Variants in OR7C1 observed in about 807,000 individuals in gnomAD.
OR7C1 encodes the protein olfactory receptor family 7 subfamily C member 1.
For synonymous variants in OR7C1, 152 were observed against 160.7 expected (o/e 0.95, Z 0.41); for missense variants, 324 against 383.3 (o/e 0.85, Z 1.29).
At chr19:14,800,871 TCAGACA>T (rs1239652022) in intron 2 of OR7C1, 107 bp from the exon 3 acceptor site, 1 of 152,192 alleles carries the variant, frequency 6.6e-6, no homozygotes, top group African/African-American at 2.4e-5. Context: ...CTGATGTAAA[TCAGACA>T]CTGCCTCCTC....
chr19:14,827,559 A>G (rs2044782549), intron 1 of OR7C1: 3 of 1,614,150 alleles, frequency 1.9e-6, no homozygotes, highest in Non-Finnish European at 2.5e-6. Context: ...AGCTGATGAG[A>G]TTGCATGTAT....
At chr19:14,833,827 T>C (rs1291034292) in intron 1 of OR7C1, among the ~76,000 whole-genome samples, 1 of 131,176 alleles carries the variant, frequency 7.6e-6, no homozygotes, top group Non-Finnish European at 1.7e-5. Flanking sequence ...TGAGCGGGGA[T>C]GGAGTGGGGA....
chr19:14,821,194 C>T (rs1202991249), intron 1 of OR7C1, among the ~76,000 whole-genome samples: 11 of 152,174 alleles, frequency 7.2e-5, no homozygotes, highest in African/African-American at 2.2e-4. Flanking sequence ...GCTGAGATCG[C>T]GCCATTGCAC....
chr19:14,804,185 T>C lies in OR7C1; in HGVS notation c.-434-3421A>G, dbSNP rs1286070675. Among the ~76,000 whole-genome samples the C allele has an allele frequency of 2.6e-5, 4 of 152,088 alleles. No homozygotes were observed. The South Asian group carries it at 8.3e-4, about 32-fold the overall frequency. Reference sequence around the variant, plus strand: ...TAAGGCAAAGGCTGGAGTTGAAAAATGCTCAGCTGAGTGGTAAAGGCCTGT... The same window carrying C: ...TAAGGCAAAGGCTGGAGTTGAAAAACGCTCAGCTGAGTGGTAAAGGCCTGT... On this transcript the variant is annotated intron_variant, in intron 2 of 4. Coordinates refer to ENST00000641666, the Ensembl canonical transcript of OR7C1.
At chr19:14,818,069 T>TATTTATTTATTC (rs2044724273) in intron 1 of OR7C1, among the ~76,000 whole-genome samples, 2 of 145,862 alleles carry the variant, frequency 1.4e-5, no homozygotes, top group Non-Finnish European at 3.0e-5. Flanking sequence ...TTATTTTATT[T>TATTTATTTATTC]ATTTATTTAT....
chr19:14,812,910 A>C (rs1399891163), intron 1 of OR7C1, among the ~76,000 whole-genome samples: 7 of 151,684 alleles, frequency 4.6e-5, no homozygotes, highest in Non-Finnish European at 1.5e-5. Context: ...CTAAATATAC[A>C]AAAAATTAGC....
chr19:14,829,262 G>A (rs1318655787), intron 1 of OR7C1, among the ~76,000 whole-genome samples: 1 of 152,210 alleles, frequency 6.6e-6, no homozygotes, highest in Admixed American at 6.5e-5. Context: ...GGAGCGCAGT[G>A]GCGCAATCTC....
chr19:14,828,406 G>T, intron 1 of OR7C1: 1 of 755,126 alleles, frequency 1.3e-6, no homozygotes, highest in Non-Finnish European at 2.1e-6. Flanking sequence ...TGTCATCTCT[G>T]ATTAGGAACT....
At chr19:14,823,558 A>G (rs1426499633) in intron 1 of OR7C1, among the ~76,000 whole-genome samples, 2 of 152,364 alleles carry the variant, frequency 1.3e-5, no homozygotes, top group Non-Finnish European at 2.9e-5. Context: ...TAGTGTAACC[A>G]TCACCCAAAT....
chr19:14,818,951 A>C (rs2145066602), intron 1 of OR7C1, among the ~76,000 whole-genome samples: 1 of 151,808 alleles, frequency 6.6e-6, no homozygotes, highest in Middle Eastern at 3.4e-3. Context: ...GTACATGTGC[A>C]CAACACGCAG....
intron 1 of OR7C1, among the ~76,000 whole-genome samples, chr19:14,815,479 A>G (rs1410895492): frequency 6.6e-6 from 1 of 151,702 alleles, no homozygotes; most frequent in Non-Finnish European, 1.5e-5. Flanking sequence ...TCTTACCCCA[A>G]CCCCTCCTCC....
In OR7C1 at chr19:14,799,599, C is replaced by G. The variant is rs1158060277; in HGVS notation, c.538G>C (p.Asp180His). 4 of 1,613,930 alleles carry G rather than the reference C, an allele frequency of 2.5e-6. No homozygotes were observed. In the East Asian group the frequency reaches 8.9e-5, roughly 36 times the overall value. Residue 180 changes from aspartate (D) to histidine (H), a missense_variant, in exon 5 of 5, where the codon GAT becomes CAT. By Grantham distance (81) the Asp-to-His change is moderately conservative (BLOSUM62 -1). Coordinates refer to ENST00000641666, the Ensembl canonical transcript of OR7C1. Reference sequence around the variant, plus strand: ...GCGAGCTTCAGGACTTCAAGTAGATCACAAAAAAAGTGTGGAATTTCCATT... The same window carrying G: ...GCGAGCTTCAGGACTTCAAGTAGATGACAAAAAAAGTGTGGAATTTCCATT...
chr19:14,802,830 C>T (rs2044648184), intron 2 of OR7C1, among the ~76,000 whole-genome samples: 1 of 152,128 alleles, frequency 6.6e-6, no homozygotes, highest in Non-Finnish European at 1.5e-5. Flanking sequence ...CCCAAGGTTC[C>T]TCATCTCACG....
chr19:14,822,339 T>C (rs1281629201), intron 1 of OR7C1, among the ~76,000 whole-genome samples: 1 of 150,930 alleles, frequency 6.6e-6, no homozygotes, highest in Non-Finnish European at 1.5e-5. Context: ...TGGGCTCCCT[T>C]TTCTCCAGAT....
intron 1 of OR7C1, chr19:14,825,448 T>C (rs533721732): frequency 1.3e-5 from 2 of 152,264 alleles, no homozygotes; most frequent in Admixed American, 1.3e-4. Flanking sequence ...AGGTGCTCTT[T>C]CCACCAAAAA....
chr19:14,824,914 A>G (rs2044758212), intron 1 of OR7C1: 1 of 152,214 alleles, frequency 6.6e-6, no homozygotes. Flanking sequence ...TATTTCACTT[A>G]TATGTGGAAT....
At chr19:14,818,325 A>G (rs773416766) in intron 1 of OR7C1, among the ~76,000 whole-genome samples, 6 of 151,934 alleles carry the variant, frequency 3.9e-5, no homozygotes, top group Non-Finnish European at 8.8e-5. Flanking sequence ...CGATCTCCTG[A>G]CCTCGTGATC....
intron 2 of OR7C1, among the ~76,000 whole-genome samples, chr19:14,801,056 C>T (rs527405604): frequency 1.3e-5 from 2 of 152,238 alleles, no homozygotes; most frequent in East Asian, 1.9e-4. Flanking sequence ...TAGTGCATGC[C>T]AATGAACCCC....
chr19:14,822,001 C>T (rs2044743062), intron 1 of OR7C1, among the ~76,000 whole-genome samples: 1 of 152,208 alleles, frequency 6.6e-6, no homozygotes, highest in Non-Finnish European at 1.5e-5. Context: ...TAATGTCCTC[C>T]AGGTTCATCC....
Sources: allele counts gnomAD v4.1 joint callset (sites outside exome capture counted in the v4.1 genomes callset), GRCh38; gene constraint gnomAD v4.1.1; transcripts MANE v1.5; gene names NCBI Gene and HGNC (gene_info 2026-07-23, HGNC 2026-07-21).